The following SPATA16 variants were observed in gnomAD, a reference collection of about 807,000 sequenced individuals.
The protein encoded by SPATA16 is spermatogenesis associated 16.
SPATA16 carries 36 observed loss-of-function variants against 63.3 expected under a neutral mutation model. The observed-to-expected ratio is 0.57, with a 90% CI of 0.44 to 0.75. SPATA16 has a LOEUF of 0.75. Among genes scored for constraint, SPATA16 ranks in the 30% least tolerant of loss-of-function variants. SPATA16 has a pLI of 0.00. For missense variants in SPATA16, 646 were observed against 679.3 expected, an observed-to-expected ratio of 0.95 and a Z score of 0.54; for synonymous variants, 203 against 216.7, an observed-to-expected ratio of 0.94 and a Z score of 0.56.
chr3:173,049,994 G>A (rs1357295591), intron 2 of SPATA16, among the ~76,000 whole-genome samples: 1 of 151,894 alleles, frequency 6.6e-6, no homozygotes, highest in Non-Finnish European at 1.5e-5. Context: ...TGCATATACT[G>A]GGGGAAATTT....
At chr3:173,003,359 C>T (rs1734868751) in intron 4 of SPATA16, among the ~76,000 whole-genome samples, 1 of 152,146 alleles carries the variant, frequency 6.6e-6, no homozygotes, top group African/African-American at 2.4e-5. Context: ...CACAATGAGA[C>T]AATACCATTT....
chr3:173,049,404 A>T (rs941977845), intron 2 of SPATA16, among the ~76,000 whole-genome samples: 7 of 152,188 alleles, frequency 4.6e-5, no homozygotes, highest in African/African-American at 1.7e-4. Context: ...GTTTTAAAGG[A>T]GTGCCAGTTG....
chr3:173,075,266 A>G (rs897922103), intron 2 of SPATA16, among the ~76,000 whole-genome samples: 2 of 152,180 alleles, frequency 1.3e-5, no homozygotes, highest in African/African-American at 4.8e-5. Flanking sequence ...TTAAAAATAC[A>G]GTCAATGACA....
intron 4 of SPATA16, among the ~76,000 whole-genome samples, chr3:172,993,568 G>A (rs1734630892): frequency 6.6e-6 from 1 of 152,128 alleles, no homozygotes; most frequent in Non-Finnish European, 1.5e-5. Flanking sequence ...CTTTGCTGAA[G>A]TATTCCAAGC....
intron 10 of SPATA16, among the ~76,000 whole-genome samples, chr3:172,905,809 G>A (rs1732221078): frequency 6.6e-6 from 1 of 152,162 alleles, no homozygotes; most frequent in Non-Finnish European, 1.5e-5. Context: ...AGCTTAGGAG[G>A]TACTATATTA....
Position 173,028,287 on chromosome 3 carries a change from C to A in SPATA16, c.759-8712G>T, listed in dbSNP as rs73043100. ...GGAACATGGAATGTTTTAATTTCAGCGAATCATGATAACTTTATGGATAAG... is the reference window on the plus strand; with the variant it reads ...GGAACATGGAATGTTTTAATTTCAGAGAATCATGATAACTTTATGGATAAG... On this transcript the variant is annotated intron_variant, in intron 3 of 10. Coordinates refer to ENST00000351008, the MANE Select transcript of SPATA16 (RefSeq NM_031955.6). 7.3e-5 allele frequency among the ~76,000 whole-genome samples: 11 copies of A among 151,478 alleles called. No homozygotes were observed. The East Asian group carries it at 2.1e-3, about 29-fold the overall frequency.
intron 2 of SPATA16, among the ~76,000 whole-genome samples, chr3:173,074,370 C>G (rs975995035): frequency 1.4e-4 from 21 of 152,166 alleles, no homozygotes; most frequent in African/African-American, 3.6e-4. Context: ...TTGTAGCTCC[C>G]ATAATTCCCA....
intron 5 of SPATA16, 89 bp from the exon 6 acceptor site, chr3:172,956,913 T>C (rs1432824417): frequency 6.7e-7 from 1 of 1,487,274 alleles, no homozygotes; most frequent in Non-Finnish European, 9.2e-7. Flanking sequence ...TATGGATGAC[T>C]TAAAAATCTA....
intron 3 of SPATA16, among the ~76,000 whole-genome samples, chr3:173,036,578 G>A (rs942020349): frequency 2.0e-5 from 3 of 151,896 alleles, no homozygotes; most frequent in Non-Finnish European, 2.9e-5. Flanking sequence ...GATTGATATG[G>A]TTTCAGAATC....
At chr3:172,895,963 A>T (rs1241751537) in intron 10 of SPATA16, among the ~76,000 whole-genome samples, 3 of 151,950 alleles carry the variant, frequency 2.0e-5, no homozygotes, top group African/African-American at 4.8e-5. Flanking sequence ...GGCAATTTCT[A>T]GGTTATATGG....
chr3:172,898,342 G>T (rs1432332669), intron 10 of SPATA16, among the ~76,000 whole-genome samples: 1 of 151,978 alleles, frequency 6.6e-6, no homozygotes, highest in Non-Finnish European at 1.5e-5. Context: ...ATGTGTGGTA[G>T]AATCATCCAG....
intron 4 of SPATA16, among the ~76,000 whole-genome samples, chr3:173,007,850 G>C (rs1046819570): frequency 1.3e-5 from 2 of 151,762 alleles, no homozygotes; most frequent in African/African-American, 2.4e-5. Flanking sequence ...ACATGGGAAG[G>C]ATCGCTCTTA....
chr3:173,138,022 T>C (rs530262065), intron 1 of SPATA16, among the ~76,000 whole-genome samples: 93 of 152,306 alleles, frequency 6.1e-4, no homozygotes, highest in Middle Eastern at 3.4e-3. Flanking sequence ...ATTTATATCA[T>C]GTTTTTGCTC....
At chr3:172,979,678 G>A (rs563885866) in intron 4 of SPATA16, among the ~76,000 whole-genome samples, 1 of 151,968 alleles carries the variant, frequency 6.6e-6, no homozygotes, top group East Asian at 1.9e-4. Flanking sequence ...ATATATTGTC[G>A]CATTGTTTGC....
chr3:173,021,396 G>A (rs1245288407), intron 3 of SPATA16, among the ~76,000 whole-genome samples: 1 of 152,118 alleles, frequency 6.6e-6, no homozygotes, highest in Non-Finnish European at 1.5e-5. Context: ...TCTATGACAA[G>A]GATTTTTGCA....
Position 173,042,529 on chromosome 3 carries a change from G to A in SPATA16, c.758+6420C>T, listed in dbSNP as rs1366726091. ...GCAGAAAGGCATTTTAAAAATAATA[G>A]TCTCCTTTATGAAAATATAGAGCTT... On this transcript the variant is annotated intron_variant, in intron 3 of 10. Coordinates refer to ENST00000351008, the MANE Select transcript of SPATA16 (RefSeq NM_031955.6). Among the ~76,000 whole-genome samples, 3 of 152,088 alleles carry A rather than the reference G, an allele frequency of 2.0e-5. No homozygotes were observed. The East Asian group carries it at 5.8e-4, about 29-fold the overall frequency.
intron 4 of SPATA16, among the ~76,000 whole-genome samples, chr3:172,982,642 A>G (rs181832808): frequency 8.3e-4 from 127 of 152,318 alleles, no homozygotes; most frequent in African/African-American, 3.0e-3. Context: ...GTTCCTATAG[A>G]ATGGCAAATG....
intron 3 of SPATA16, among the ~76,000 whole-genome samples, chr3:173,026,179 A>G (rs969781279): frequency 1.3e-4 from 20 of 152,030 alleles, no homozygotes; most frequent in South Asian, 6.2e-4. Context: ...GCATTTCCCT[A>G]GTAACTAAAG....
chr3:173,077,163 A>C (rs897805007), intron 2 of SPATA16, among the ~76,000 whole-genome samples: 2 of 152,192 alleles, frequency 1.3e-5, no homozygotes, highest in African/African-American at 4.8e-5. Context: ...GAAGAAACAA[A>C]AAATAATTCT....
Sources: allele counts gnomAD v4.1 joint callset (sites outside exome capture counted in the v4.1 genomes callset), GRCh38; gene constraint gnomAD v4.1.1; transcripts MANE v1.5; gene names NCBI Gene and HGNC (gene_info 2026-07-23, HGNC 2026-07-21).